The following ZBTB44 variants were observed in gnomAD, a reference collection of about 807,000 sequenced individuals.
ZBTB44 encodes zinc finger and BTB domain containing 44.
In ZBTB44, 15 loss-of-function variants were observed where a neutral mutation model predicts 54.0. That is an observed-to-expected ratio of 0.28 (90% CI 0.19 to 0.43). The LOEUF is 0.43. ZBTB44 is among the 20% of genes least tolerant of loss of function. The pLI is 1.00. For synonymous variants in ZBTB44, 230 were observed against 250.1 expected, an observed-to-expected ratio of 0.92 and a Z score of 0.76; for missense variants, 487 against 707.1, an observed-to-expected ratio of 0.69 and a Z score of 3.53.
chr11:130,276,675 C>T (rs10750428), intron 1 of ZBTB44, among the ~76,000 whole-genome samples: 85,300 of 151,842 alleles, frequency 0.56, 27,472 homozygotes, highest in South Asian at 0.7. Flanking sequence ...GTGATCTGTC[C>T]GCCTCGGCCT....
intron 2 of ZBTB44, among the ~76,000 whole-genome samples, chr11:130,250,558 T>C (rs1270977635): frequency 1.3e-5 from 2 of 152,144 alleles, no homozygotes; most frequent in African/African-American, 2.4e-5. Flanking sequence ...GGTGCCCCTC[T>C]GGGATGAAGC....
intron 1 of ZBTB44, among the ~76,000 whole-genome samples, chr11:130,292,589 T>C (rs897956896): frequency 1.3e-5 from 2 of 152,216 alleles, no homozygotes; most frequent in African/African-American, 4.8e-5. Flanking sequence ...TTACGGTGCT[T>C]ATTTTTGGGA....
chr11:130,255,010 T>A (rs989090735), intron 2 of ZBTB44, among the ~76,000 whole-genome samples: 3 of 132,390 alleles, frequency 2.3e-5, no homozygotes, highest in Non-Finnish European at 1.5e-5. Context: ...CACTCATAGA[T>A]GGGAATTGAA....
At chr11:130,257,966 T>C (rs1265629040) in intron 2 of ZBTB44, among the ~76,000 whole-genome samples, 5 of 152,210 alleles carry the variant, frequency 3.3e-5, no homozygotes, top group Non-Finnish European at 7.3e-5. Context: ...ATGACACTGC[T>C]TGATCATCAT....
At chr11:130,304,520 A>AG (rs1174252948) in intron 1 of ZBTB44, among the ~76,000 whole-genome samples, 1 of 152,228 alleles carries the variant, frequency 6.6e-6, no homozygotes, top group Non-Finnish European at 1.5e-5. Flanking sequence ...AATTTTTCAG[A>AG]GGATCATCGT....
chr11:130,234,902 A>C (rs1345701878), intron 5 of ZBTB44, among the ~76,000 whole-genome samples: 1 of 152,216 alleles, frequency 6.6e-6, no homozygotes, highest in Non-Finnish European at 1.5e-5. Flanking sequence ...TGGTCCCCAC[A>C]GGCAACATGG....
intron 2 of ZBTB44, among the ~76,000 whole-genome samples, chr11:130,256,141 AAAAG>A (rs1214333949): frequency 1.3e-5 from 2 of 152,160 alleles, no homozygotes; most frequent in Non-Finnish European, 2.9e-5. Flanking sequence ...ACAACACAAA[AAAAG>A]AAAATACCAG....
At chr11:130,309,895 C>CA (rs58743892) in intron 1 of ZBTB44, among the ~76,000 whole-genome samples, 2,739 of 71,228 alleles carry the variant, frequency 0.038, 59 homozygotes, top group African/African-American at 0.083. Context: ...GACTGCATCT[C>CA]AAAAAAAAAA....
At chr11:130,240,431 T>C (rs1954313123) in intron 2 of ZBTB44, among the ~76,000 whole-genome samples, 1 of 152,136 alleles carries the variant, frequency 6.6e-6, no homozygotes, top group African/African-American at 2.4e-5. Flanking sequence ...TTTAGAAATA[T>C]TTCTTTGACA....
chr11:130,285,293 T>TC (rs1940875116), intron 1 of ZBTB44: 1 of 143,294 alleles, frequency 7.0e-6, no homozygotes, highest in Non-Finnish European at 1.5e-5. Context: ...TTGTTTTCTT[T>TC]TTTTTTTTTT....
intron 1 of ZBTB44, among the ~76,000 whole-genome samples, chr11:130,293,762 C>G (rs921523289): frequency 1.3e-5 from 2 of 152,012 alleles, no homozygotes; most frequent in Admixed American, 6.6e-5. Context: ...CACCATTGCA[C>G]TCCAGCCTGG....
At chr11:130,236,162 A>C in intron 5 of ZBTB44, 1 of 1,288,110 alleles carries the variant, frequency 7.8e-7, no homozygotes, top group Non-Finnish European at 1.0e-6. Context: ...TGACAGGTTT[A>C]ATCAACAGCA....
intron 1 of ZBTB44, among the ~76,000 whole-genome samples, chr11:130,266,901 C>T (rs1242659718): frequency 6.6e-6 from 1 of 152,206 alleles, no homozygotes; most frequent in African/African-American, 2.4e-5. Flanking sequence ...TAGAAAACTA[C>T]ATACACCTTG....
intron 1 of ZBTB44, among the ~76,000 whole-genome samples, chr11:130,298,185 CTAGAT>C (rs1028793799): frequency 7.9e-5 from 12 of 151,742 alleles, no homozygotes; most frequent in East Asian, 3.9e-4. Flanking sequence ...ACTCTGTTGC[CTAGAT>C]TAGAGTGCAG....
At chr11:130,235,477 T>C (rs1485382142) in intron 5 of ZBTB44, among the ~76,000 whole-genome samples, 1 of 152,134 alleles carries the variant, frequency 6.6e-6, no homozygotes, top group Non-Finnish European at 1.5e-5. Flanking sequence ...AAAAACAAAA[T>C]CTACGCAGGA....
At chr11:130,285,765 CCA>C (rs1940915137) in intron 1 of ZBTB44, 2 of 220,324 alleles carry the variant, frequency 9.1e-6, no homozygotes, top group Non-Finnish European at 1.9e-5. Context: ...CAGTTCATGC[CCA>C]CATGCTCCTA....
At chr11:130,277,951 T>C (rs1940228376) in intron 1 of ZBTB44, among the ~76,000 whole-genome samples, 1 of 152,228 alleles carries the variant, frequency 6.6e-6, no homozygotes, top group Non-Finnish European at 1.5e-5. Flanking sequence ...CCTTCTGGCC[T>C]CCACTGCTAT....
In ZBTB44 at chr11:130,236,936, C is replaced by T; in HGVS notation, c.1425G>A (p.Arg475=). Residue 475 remains arginine (R), a synonymous_variant, in exon 5 of 8, where the codon AGG becomes AGA. Transcript: ENST00000357899. ...TSFGEYKHHM[R]VSRHIIRKPR... ...GCTTGCGGATAATGTGCCGGGAAAC[C>T]CTCATGTGGTGTTTATATTCCCCGA... The T allele has an allele frequency of 6.2e-7, 1 of 1,609,902 alleles. No homozygotes were observed. Among genetic ancestry groups the T allele is most frequent in the East Asian group, 2.2e-5 (1 of 44,588 alleles).
chr11:130,305,542 T>C (rs753920514), intron 1 of ZBTB44, among the ~76,000 whole-genome samples: 6 of 152,292 alleles, frequency 3.9e-5, no homozygotes, highest in Middle Eastern at 3.4e-3. Context: ...GCTGGGATAA[T>C]TGGCAAGCCA....
Sources: gnomAD v4.1 joint callset for allele counts (sites outside exome capture counted in the v4.1 genomes callset) on GRCh38, gnomAD v4.1.1 for gene constraint, MANE v1.5 for transcripts, NCBI Gene and HGNC (gene_info 2026-07-23, HGNC 2026-07-21) for gene names.